The following NDST4 variants were observed in gnomAD, a reference collection of about 807,000 sequenced individuals.
The protein encoded by NDST4 is N-heparan sulfate sulfotransferase 4.
In NDST4, 63 loss-of-function variants were observed where a neutral mutation model predicts 100.8. That is an observed-to-expected ratio of 0.62 (90% CI 0.51 to 0.77). The LOEUF (loss-of-function observed/expected upper bound fraction) is 0.77. NDST4 is among the 30% of genes least tolerant of loss of function. NDST4 has a pLI of 0.00. For missense variants in NDST4, 943 were observed against 1,018.4 expected, an observed-to-expected ratio of 0.93 and a Z score of 1.01; for synonymous variants, 377 against 361.8, an observed-to-expected ratio of 1.04 and a Z score of -0.48.
At chr4:114,835,115 G>T (rs963225558) in intron 11 of NDST4, among the ~76,000 whole-genome samples, 4 of 151,946 alleles carry the variant, frequency 2.6e-5, no homozygotes, top group Non-Finnish European at 5.9e-5. Flanking sequence ...ATCTCCTTCA[G>T]TTCTGCTCTA....
intron 11 of NDST4, among the ~76,000 whole-genome samples, chr4:114,836,250 G>A (rs1043469010): frequency 6.6e-6 from 1 of 152,122 alleles, no homozygotes; most frequent in African/African-American, 2.4e-5. Context: ...GGTTGATGCA[G>A]GTTTTTTCCT....
intron 2 of NDST4, among the ~76,000 whole-genome samples, chr4:114,997,418 T>C (rs1727188668): frequency 6.6e-6 from 1 of 152,102 alleles, no homozygotes; most frequent in Non-Finnish European, 1.5e-5. Flanking sequence ...GGTGATAATA[T>C]TATCAAAAAT....
At chr4:115,023,999 C>T (rs1010348244) in intron 2 of NDST4, among the ~76,000 whole-genome samples, 1 of 152,128 alleles carries the variant, frequency 6.6e-6, no homozygotes, top group Non-Finnish European at 1.5e-5. Flanking sequence ...TGGCCTGCCA[C>T]ACTGGAAGGT....
intron 2 of NDST4, among the ~76,000 whole-genome samples, chr4:115,050,738 A>T (rs942195906): frequency 6.6e-6 from 1 of 152,134 alleles, no homozygotes; most frequent in Admixed American, 6.6e-5. Flanking sequence ...GGTCGTAAAG[A>T]ATTCAGTCTT....
intron 2 of NDST4, among the ~76,000 whole-genome samples, chr4:115,070,039 A>T (rs567674279): frequency 6.6e-6 from 1 of 152,286 alleles, no homozygotes; most frequent in Non-Finnish European, 1.5e-5. Context: ...TAAAAACAGA[A>T]CTACCATTCG....
chr4:114,940,500 C>T lies in NDST4; in HGVS notation c.1222-2997G>A, dbSNP rs143475671. 1.0e-3 allele frequency among the ~76,000 whole-genome samples: 152 copies of T among 152,250 alleles called. 1 individual carries two copies. The highest frequency in any genetic ancestry group is 3.6e-3 in the African/African-American group (149 of 41,554). On this transcript the variant is annotated intron_variant, in intron 4 of 13. Transcript: ENST00000264363. ...CCTTGGGTTTGCTAATTTACTCAGC[C>T]CACAGCTTTCAATCCCTAACAGGAC...
chr4:115,067,867 A>G (rs1728983883), intron 2 of NDST4, among the ~76,000 whole-genome samples: 1 of 149,342 alleles, frequency 6.7e-6, no homozygotes, highest in Non-Finnish European at 1.5e-5. Flanking sequence ...TATATTAGGT[A>G]TATCTCCTAA....
intron 7 of NDST4, among the ~76,000 whole-genome samples, chr4:114,868,944 TTATATATA>T (rs3077771): frequency 0.089 from 12,759 of 143,594 alleles, 1,589 homozygotes; most frequent in African/African-American, 0.28. Flanking sequence ...CACTTGCAAA[TTATATATA>T]TATATATATA....
intron 1 of NDST4, among the ~76,000 whole-genome samples, chr4:115,104,749 T>C (rs1029313968): frequency 3.3e-5 from 5 of 152,092 alleles, no homozygotes; most frequent in East Asian, 1.9e-4. Flanking sequence ...TGATCAACAA[T>C]ACAGTAGAGA....
intron 2 of NDST4, among the ~76,000 whole-genome samples, chr4:115,065,091 G>C (rs1236821577): frequency 1.3e-5 from 2 of 151,776 alleles, no homozygotes; most frequent in Non-Finnish European, 2.9e-5. Context: ...CTTTCTTTTT[G>C]CTCCTCCATT....
At chr4:115,010,992 G>A (rs943301703) in intron 2 of NDST4, among the ~76,000 whole-genome samples, 1 of 151,962 alleles carries the variant, frequency 6.6e-6, no homozygotes, top group African/African-American at 2.4e-5. Flanking sequence ...AGTTAATAAA[G>A]CCTATGTTGA....
chr4:115,047,540 T>G (rs544867249), intron 2 of NDST4, among the ~76,000 whole-genome samples: 1 of 152,274 alleles, frequency 6.6e-6, no homozygotes, highest in East Asian at 1.9e-4. Context: ...CCATTTGATT[T>G]TAATTCCGAT....
intron 6 of NDST4, among the ~76,000 whole-genome samples, chr4:114,921,442 C>T (rs573421181): frequency 1.3e-5 from 2 of 152,230 alleles, no homozygotes; most frequent in Admixed American, 1.3e-4. Context: ...AAGAAACAAC[C>T]AAGCAAAATT....
intron 2 of NDST4, among the ~76,000 whole-genome samples, chr4:115,046,685 A>T (rs182570456): frequency 6.2e-4 from 94 of 152,242 alleles, no homozygotes; most frequent in African/African-American, 2.2e-3. Flanking sequence ...GATGATACAT[A>T]ATTTAAGAGT....
intron 1 of NDST4, among the ~76,000 whole-genome samples, chr4:115,108,607 A>G (rs1218595374): frequency 1.3e-5 from 2 of 151,926 alleles, no homozygotes; most frequent in Non-Finnish European, 2.9e-5. Flanking sequence ...CATCTGCTAT[A>G]TGGAAAAGAT....
At position 114,852,803 on chromosome 4, in the gene NDST4, G is replaced by A. The variant is rs746389915; in HGVS notation, c.1738C>T (p.Arg580Ter). 27 of 1,611,294 alleles carry A rather than the reference G, an allele frequency of 1.7e-5. No homozygotes were observed. Among genetic ancestry groups the A allele is most frequent in the Middle Eastern group, 1.7e-4 (1 of 6,050 alleles). Residue 580 changes from arginine to a stop codon, truncating the protein, a stop_gained, in exon 8 of 14, where the codon CGA (arginine) becomes TGA (stop). Coordinates refer to ENST00000264363, the MANE Select transcript of NDST4 (RefSeq NM_022569.3). LOFTEE classifies it high-confidence loss of function. ...PLWQNPCDDK[R>*]HKDIWSREKT... ...TCTCTGGACCAGATGTCTTTGTGTC[G>A]TTTATCATCACATGGATTCTGCAAG... is the stretch of plus-strand genomic sequence containing the variant.
intron 1 of NDST4, among the ~76,000 whole-genome samples, chr4:115,096,976 C>T (rs1348233301): frequency 6.6e-6 from 1 of 152,020 alleles, no homozygotes; most frequent in Admixed American, 6.6e-5. Context: ...GCATTTTATA[C>T]CCCTGATCAT....
chr4:115,001,232 T>C (rs569115846), intron 2 of NDST4, among the ~76,000 whole-genome samples: 3 of 152,258 alleles, frequency 2.0e-5, no homozygotes, highest in Non-Finnish European at 2.9e-5. Context: ...TGGCATTGCA[T>C]GAGGTCTCAG....
intron 2 of NDST4, among the ~76,000 whole-genome samples, chr4:115,026,878 G>A (rs530071228): frequency 1.3e-5 from 2 of 152,228 alleles, no homozygotes; most frequent in East Asian, 3.9e-4. Context: ...TTTTATGGGA[G>A]ATGAACCTTG....
Sources: gnomAD v4.1 joint callset for allele counts (sites outside exome capture counted in the v4.1 genomes callset) on GRCh38, gnomAD v4.1.1 for gene constraint, MANE v1.5 for transcripts, NCBI Gene and HGNC (gene_info 2026-07-23, HGNC 2026-07-21) for gene names.